The following VPS13C variants were observed in gnomAD, a reference collection of about 807,000 sequenced individuals.
VPS13C encodes intermembrane lipid transfer protein VPS13C.
In VPS13C, 358 loss-of-function variants were observed where a neutral mutation model predicts 456.8. The ratio of observed to expected loss-of-function variants is 0.78; its 90% confidence interval spans 0.72 to 0.86. VPS13C has a LOEUF of 0.86. VPS13C is among the 40% of genes least tolerant of loss of function. VPS13C has a pLI of 0.00. For missense variants in VPS13C, 4,818 were observed against 4,385.4 expected, an observed-to-expected ratio of 1.10 and a Z score of -2.79; for synonymous variants, 1,578 against 1,486.7, an observed-to-expected ratio of 1.06 and a Z score of -1.41.
At chr15:61,954,358 A>G (rs1459158969) in intron 38 of VPS13C, 63 bp downstream of exon 38, 10 of 1,528,422 alleles carry the variant, frequency 6.5e-6, no homozygotes, top group Non-Finnish European at 8.8e-6. Context: ...AGTTTAGTAG[A>G]GGTAATTCCA....
chr15:61,922,761 A>C lies in VPS13C; in HGVS notation c.6611T>G (p.Ile2204Ser). The C allele has an allele frequency of 6.4e-7, 1 of 1,560,958 alleles. No individual in the cohort carries two copies. The highest frequency in any genetic ancestry group is 8.6e-7 in the Non-Finnish European group (1 of 1,159,672). Residue 2204 changes from isoleucine (I) to serine (S), a missense_variant and splice_region_variant, in exon 54 of 85, where the codon ATT becomes AGT. By Grantham distance (142) the Ile-to-Ser change is moderately radical. Transcript: ENST00000644861. ...NIMVKEFIIK[I>S]SPIILNTVLT... Reference sequence around the variant, plus strand: ...CACAGTATTAAGAATTATGGGTGAAATCTTTAAAAAAGAAAGCAGAAAAAT... The same window carrying C: ...CACAGTATTAAGAATTATGGGTGAACTCTTTAAAAAAGAAAGCAGAAAAAT...
rs765943946 is a variant in VPS13C, at chr15:61,974,332, T to C, written c.2494A>G (p.Ile832Val). ...GCTGATGATTTCTGTGGCAAAGGTA[T>C]ACTGTTCATCAAATATAGCACATCT... is the stretch of plus-strand genomic sequence containing the variant. ...MKDVLYLMNS[I>V]PLPQKSSAQS... Residue 832 changes from isoleucine to valine, a missense_variant, in exon 25 of 85, where the codon ATA (isoleucine) becomes GTA (valine). This residue lies in a region of VPS13C where 4,552 missense variants were observed against 4,130.6 expected (regional missense o/e 1.10). Transcript: ENST00000644861. The C allele has an allele frequency of 9.3e-6, 15 of 1,612,594 alleles. No homozygotes were observed. The highest frequency in any genetic ancestry group is 1.2e-5 in the Non-Finnish European group (14 of 1,179,044).
chr15:61,925,687 A>C (rs2043824803), intron 52 of VPS13C, 139 bp from the exon 53 acceptor site: 1 of 487,314 alleles, frequency 2.1e-6, no homozygotes, highest in Admixed American at 4.3e-5. Context: ...AGCAAAAATA[A>C]ATTAGCTGAG....
At chr15:61,909,216 T>C in intron 64 of VPS13C, 91 bp from the exon 65 acceptor site, 1 of 1,518,588 alleles carries the variant, frequency 6.6e-7, no homozygotes, top group Non-Finnish European at 8.9e-7. Flanking sequence ...CACAAAAGCT[T>C]TGGTTTTTTT....
chr15:61,962,376 G>T lies in VPS13C; in HGVS notation c.3598C>A (p.Leu1200Ile), dbSNP rs1336392467. 6.3e-7 allele frequency: 1 copy of T among 1,577,204 alleles called. No homozygotes were observed. The highest frequency in any genetic ancestry group is 8.6e-7 in the Non-Finnish European group (1 of 1,163,000). ...TATACAAATAATTATTTTACCAGAA[G>T]TGACATAAGGAATTTATGAAGATAG... is the stretch of plus-strand genomic sequence containing the variant. ...IVYLHKFLMS[L>I]LNFLNNFQTA... Residue 1200 changes from leucine (L) to isoleucine (I), a missense_variant, in exon 34 of 85, where the codon CTT (leucine) becomes ATT (isoleucine). Physicochemically the swap from Leu to Ile is conservative, Grantham distance 5. Coordinates refer to ENST00000644861, the MANE Select transcript of VPS13C (RefSeq NM_020821.3).
At chr15:61,855,761 T>C (rs1893869621) in intron 83 of VPS13C, among the ~76,000 whole-genome samples, 1 of 152,030 alleles carries the variant, frequency 6.6e-6, no homozygotes, top group Admixed American at 6.5e-5. Context: ...AAATTTATAA[T>C]ATATAATGTA....
intron 61 of VPS13C, 105 bp from the exon 62 acceptor site, chr15:61,913,520 G>T: frequency 1.1e-6 from 1 of 906,168 alleles, no homozygotes; most frequent in South Asian, 1.7e-5. Flanking sequence ...AGTACCGTGG[G>T]ACACAGAAAT....
intron 16 of VPS13C, 23 bp from the exon 17 acceptor site, chr15:61,991,825 T>A: frequency 6.2e-7 from 1 of 1,605,624 alleles, no homozygotes; most frequent in Non-Finnish European, 8.5e-7. Flanking sequence ...AATTAAAAAA[T>A]TTACTTTAAG....
chr15:61,983,597 A>C (rs1018262332), intron 20 of VPS13C: 2 of 442,092 alleles, frequency 4.5e-6, no homozygotes. Flanking sequence ...AAATTTAACA[A>C]AGGCGTAGAT....
intron 27 of VPS13C, among the ~76,000 whole-genome samples, chr15:61,971,306 G>A (rs992059511): frequency 6.6e-6 from 1 of 151,884 alleles, no homozygotes; most frequent in African/African-American, 2.4e-5. Flanking sequence ...CTGTCACCTA[G>A]GCTGGAGTGC....
chr15:61,861,074 G>A (rs1239521889), intron 82 of VPS13C, among the ~76,000 whole-genome samples: 1 of 149,666 alleles, frequency 6.7e-6, no homozygotes, highest in Non-Finnish European at 1.5e-5. Context: ...TGATTCTCTG[G>A]CTTCAGCCTC....
At chr15:61,924,479 C>T in intron 53 of VPS13C, among the ~76,000 whole-genome samples, 1 of 152,174 alleles carries the variant, frequency 6.6e-6, no homozygotes, top group Admixed American at 6.5e-5. Flanking sequence ...TTGTAAAGGA[C>T]ATTTTTTTAA....
intron 16 of VPS13C, among the ~76,000 whole-genome samples, chr15:61,993,966 A>C (rs2046300323): frequency 6.6e-6 from 1 of 152,082 alleles, no homozygotes; most frequent in Non-Finnish European, 1.5e-5. Context: ...AAGCATATAT[A>C]TATATATATG....
intron 45 of VPS13C, 42 bp downstream of exon 45, chr15:61,945,673 T>C (rs762855639): frequency 1.3e-6 from 2 of 1,487,512 alleles, no homozygotes. Flanking sequence ...AGCAAAGATA[T>C]TTAGGCCTCA....
intron 1 of VPS13C, among the ~76,000 whole-genome samples, chr15:62,057,228 G>A (rs1422389929): frequency 6.6e-6 from 1 of 152,068 alleles, no homozygotes; most frequent in Non-Finnish European, 1.5e-5. Flanking sequence ...AAAACTCTGT[G>A]AACTGTAAAC....
intron 65 of VPS13C, 63 bp from the exon 66 acceptor site, chr15:61,907,453 G>A: frequency 6.4e-7 from 1 of 1,571,346 alleles, no homozygotes; most frequent in Non-Finnish European, 8.6e-7. Flanking sequence ...CAAACCTGTA[G>A]TTTACTGAGG....
In VPS13C at chr15:61,858,373, T is replaced by C. The variant is rs952561185; in HGVS notation, c.10953-1964A>G. ...ATCTATCTATCTATCTGTCTATCTA[T>C]CTCCCTCCCTCCCTATCATGTATTC... On this transcript the variant is annotated intron_variant, in intron 82 of 84. Transcript: ENST00000644861. The surrounding 1 kb of genome is among the most constrained non-coding windows in gnomAD (Gnocchi z 4.4). Among the ~76,000 whole-genome samples the C allele has an allele frequency of 1.5e-4, 23 of 151,408 alleles. No individual in the cohort carries two copies. The highest frequency in any genetic ancestry group is 2.9e-4 in the African/African-American group (12 of 41,284).
At chr15:61,906,108 C>T (rs1317396811) in intron 66 of VPS13C, among the ~76,000 whole-genome samples, 1 of 152,048 alleles carries the variant, frequency 6.6e-6, no homozygotes, top group African/African-American at 2.4e-5. Context: ...GTTTATCATA[C>T]TTAAATGAGG....
chr15:61,915,287 A>G (rs1001124499), intron 61 of VPS13C, among the ~76,000 whole-genome samples: 5 of 152,212 alleles, frequency 3.3e-5, no homozygotes, highest in East Asian at 3.8e-4. Flanking sequence ...AGGAAGGCTC[A>G]ACTAATATAT....
Sources: allele counts gnomAD v4.1 joint callset (sites outside exome capture counted in the v4.1 genomes callset), GRCh38; gene constraint gnomAD v4.1.1; regional missense constraint gnomAD v4.1.1; non-coding constraint Gnocchi (gnomAD v3.1); transcripts MANE v1.5; gene names NCBI Gene and HGNC (gene_info 2026-07-23, HGNC 2026-07-21).